Variants in CLYBL observed in about 807,000 individuals in gnomAD.
CLYBL encodes the protein citramalyl-CoA lyase, mitochondrial.
In CLYBL, 31 loss-of-function variants were observed where a neutral mutation model predicts 38.9. The observed-to-expected ratio is 0.80, with a 90% confidence interval of 0.60 to 1.08. The LOEUF is 1.08. Ranked by LOEUF, CLYBL falls within the 50% of genes least tolerant of loss-of-function variation. The probability of loss-of-function intolerance (pLI) is 0.00; values close to 1 mark genes in which losing one functional copy is unlikely to be tolerated. For synonymous variants in CLYBL, 171 were observed against 158.6 expected (o/e 1.08, Z -0.59); for missense variants, 434 against 411.6 (o/e 1.05, Z -0.47).
intron 1 of CLYBL, among the ~76,000 whole-genome samples, chr13:99,756,655 T>G (rs1439428807): frequency 6.6e-6 from 1 of 152,170 alleles, no homozygotes; most frequent in African/African-American, 2.4e-5. Context: ...TTAGTGTATT[T>G]TATGTGGAGC....
chr13:99,777,699 G>A (rs1393361603), intron 2 of CLYBL, among the ~76,000 whole-genome samples: 3 of 151,704 alleles, frequency 2.0e-5, no homozygotes, highest in Admixed American at 6.6e-5. Flanking sequence ...CATCATATTG[G>A]TCAGGCTGGT....
At chr13:99,663,657 G>A (rs1261126870) in intron 1 of CLYBL, among the ~76,000 whole-genome samples, 2 of 152,164 alleles carry the variant, frequency 1.3e-5, no homozygotes, top group African/African-American at 4.8e-5. Flanking sequence ...GTGTCTGCAT[G>A]ACTTGGGGAC....
intron 1 of CLYBL, among the ~76,000 whole-genome samples, chr13:99,744,121 C>T (rs1000785044): frequency 2.0e-5 from 3 of 151,878 alleles, no homozygotes; most frequent in East Asian, 1.9e-4. Context: ...TACAGGCGCC[C>T]GCCACCACGC....
chr13:99,725,543 A>G (rs1256492699), intron 1 of CLYBL, among the ~76,000 whole-genome samples: 1 of 152,142 alleles, frequency 6.6e-6, no homozygotes, highest in Non-Finnish European at 1.5e-5. Flanking sequence ...CAGCAGAGAG[A>G]TGAAGGGACA....
At position 99,855,660 on chromosome 13, in the gene CLYBL, CT is replaced by C. The variant is rs1299925343; in HGVS notation, c.250-3200del. Among the ~76,000 whole-genome samples, 33 of 112,752 alleles carry C rather than the reference CT, an allele frequency of 2.9e-4. 1 individual carries two copies. Among genetic ancestry groups the C allele is most frequent in the Non-Finnish European group, 6.8e-4 (30 of 44,290 alleles). The allele number at this position is 112,752 out of a possible 152,430, so 74.0% of individuals were successfully genotyped here. On this transcript the variant is annotated intron_variant, in intron 2 of 8. Coordinates refer to ENST00000339105, the MANE Select transcript of CLYBL (RefSeq NM_206808.5). ...CTTTTCACAACTGGGTGGACTGTGA[CT>C]CTCTCGAACTGAACACCCAGAACTA...
intron 1 of CLYBL, among the ~76,000 whole-genome samples, chr13:99,682,759 C>T (rs1240751471): frequency 1.3e-5 from 2 of 151,274 alleles, no homozygotes; most frequent in African/African-American, 2.4e-5. Context: ...TCTTTTGAAA[C>T]GGAGTCTCAT....
intron 1 of CLYBL, among the ~76,000 whole-genome samples, chr13:99,718,443 C>T (rs1176792407): frequency 6.6e-6 from 1 of 151,608 alleles, no homozygotes. Flanking sequence ...CTGCATTTCA[C>T]TGGATAAGGG....
intron 9 of CLYBL, among the ~76,000 whole-genome samples, chr13:99,907,366 A>C (rs1256566679): frequency 6.6e-6 from 1 of 152,148 alleles, no homozygotes; most frequent in East Asian, 1.9e-4. Context: ...GGCCTGGCAC[A>C]CTGTAGGCAC....
At chr13:99,802,335 T>A (rs1168586697) in intron 2 of CLYBL, among the ~76,000 whole-genome samples, 1 of 152,218 alleles carries the variant, frequency 6.6e-6, no homozygotes, top group Non-Finnish European at 1.5e-5. Flanking sequence ...TCCATAGCAA[T>A]CTTAAAACCT....
intron 1 of CLYBL, among the ~76,000 whole-genome samples, chr13:99,659,015 G>T (rs559405244): frequency 2.6e-5 from 4 of 152,276 alleles, no homozygotes; most frequent in African/African-American, 9.6e-5. Context: ...CAGGGGCAAA[G>T]AACTAGTTGC....
downstream of CLYBL, among the ~76,000 whole-genome samples, chr13:99,901,656 TTG>T (rs1555327289): frequency 2.6e-3 from 343 of 133,082 alleles, 2 homozygotes; most frequent in Middle Eastern, 7.6e-3. Flanking sequence ...TTTTTTTTTT[TTG>T]TTTGTTTGTT....
At chr13:99,717,974 C>T (rs1028936271) in intron 1 of CLYBL, among the ~76,000 whole-genome samples, 2 of 152,136 alleles carry the variant, frequency 1.3e-5, no homozygotes, top group African/African-American at 4.8e-5. Flanking sequence ...TTCACATTCT[C>T]TGTTTTTAAG....
At chr13:99,676,615 TG>T (rs1436771303) in intron 1 of CLYBL, among the ~76,000 whole-genome samples, 1 of 142,446 alleles carries the variant, frequency 7.0e-6, no homozygotes, top group African/African-American at 2.7e-5. Flanking sequence ...TTTTTTGAGG[TG>T]GAGTTTTGCT....
intron 2 of CLYBL, among the ~76,000 whole-genome samples, chr13:99,840,750 C>CAA (rs59274056): frequency 0.079 from 1,335 of 16,818 alleles, 202 homozygotes; most frequent in African/African-American, 0.14. Context: ...ACCCTTGTCT[C>CAA]AAAAAAAAAA....
intron 7 of CLYBL, among the ~76,000 whole-genome samples, chr13:99,876,008 A>G (rs1194750118): frequency 6.6e-6 from 1 of 152,066 alleles, no homozygotes; most frequent in Non-Finnish European, 1.5e-5. Flanking sequence ...GAAATTTTAA[A>G]CATTTAAAGC....
At chr13:99,846,378 G>A (rs965870630) in intron 2 of CLYBL, among the ~76,000 whole-genome samples, 4 of 141,992 alleles carry the variant, frequency 2.8e-5, no homozygotes, top group Admixed American at 7.8e-5. Context: ...TGCAAGCTCC[G>A]CCTGTGTGGA....
At chr13:99,871,114 G>T (rs1218015886) in intron 7 of CLYBL, 52 bp downstream of exon 7, 4 of 1,597,674 alleles carry the variant, frequency 2.5e-6, no homozygotes, top group African/African-American at 2.7e-5. Flanking sequence ...AATATTGTCG[G>T]GAAGAATGAA....
chr13:99,610,111 A>T (rs2793753), intron 1 of CLYBL, among the ~76,000 whole-genome samples: 1 of 152,112 alleles, frequency 6.6e-6, no homozygotes, highest in African/African-American at 2.4e-5. Context: ...CAGTGTTGCC[A>T]AGGGTGGTCT....
At chr13:99,666,271 A>G (rs911194537) in intron 1 of CLYBL, among the ~76,000 whole-genome samples, 6 of 152,184 alleles carry the variant, frequency 3.9e-5, no homozygotes, top group Non-Finnish European at 8.8e-5. Flanking sequence ...TCGCTGAGAC[A>G]GTACAGCCCC....
Sources: allele counts gnomAD v4.1 joint callset (sites outside exome capture counted in the v4.1 genomes callset), GRCh38; gene constraint gnomAD v4.1.1; transcripts MANE v1.5; gene names NCBI Gene and HGNC (gene_info 2026-07-23, HGNC 2026-07-21).